CABLES1: variants seen among roughly 807,000 people sequenced by gnomAD.
CABLES1 encodes Cdk5 and Abl enzyme substrate 1, also known as CDK5 and ABL1 enzyme substrate 1.
A neutral mutation model predicts 57.8 loss-of-function variants in CABLES1; 36 were observed. That is an observed-to-expected ratio of 0.62 (90% CI 0.48 to 0.82). The LOEUF is 0.82. Among genes scored for constraint, CABLES1 ranks in the 40% least tolerant of loss-of-function variants. The probability of loss-of-function intolerance (pLI) is 0.00; values close to 1 mark genes in which losing one functional copy is unlikely to be tolerated. For synonymous variants in CABLES1, 374 were observed against 363.0 expected (o/e 1.03, Z -0.35); for missense variants, 767 against 836.6 (o/e 0.92, Z 1.03).
intron 7 of CABLES1, 25 bp from the exon 8 acceptor site, chr18:23,252,935 A>T (rs1226760624): frequency 6.8e-7 from 1 of 1,472,192 alleles, no homozygotes; most frequent in Non-Finnish European, 9.5e-7. Flanking sequence ...TTAAGGAGTG[A>T]TCCGTGTTCC....
intron 9 of CABLES1, 189 bp from the exon 10 acceptor site, chr18:23,257,038 A>G: frequency 1.6e-6 from 1 of 610,536 alleles, no homozygotes; most frequent in East Asian, 2.9e-5. Flanking sequence ...GGAAAGGAGC[A>G]GCTCCTTCAC....
chr18:23,136,152 G>T lies in CABLES1; in HGVS notation c.390G>T (p.Ala130=), dbSNP rs1454036455. 1.7e-6 allele frequency: 2 copies of T among 1,209,238 alleles called. No homozygotes were observed. Among genetic ancestry groups the T allele is most frequent in the Non-Finnish European group, 2.1e-6 (2 of 973,792 alleles). 74.9% of individuals were successfully genotyped at this position (1,209,238 alleles called of 1,614,324 possible). A position where few individuals can be genotyped will look rare whatever the true frequency, so the allele number is the denominator to read the frequency against. The change falls in exon 1 of 10, where the codon GCG becomes GCT. Residue 130 remains alanine (A), a synonymous_variant. Coordinates refer to ENST00000256925, the MANE Select transcript of CABLES1 (RefSeq NM_001100619.3). ...TCGCCGCGCCGGGCACGCCGGCTGC[G>T]GGGTTAGCCGCTGGGTCCGGCCCCT... The part of the protein sequence containing the change: ...IALAAPGTPA[A]GLAAGSGPCL...
intron 4 of CABLES1, among the ~76,000 whole-genome samples, chr18:23,215,441 G>A (rs1197015284): frequency 6.6e-6 from 1 of 152,196 alleles, no homozygotes; most frequent in Non-Finnish European, 1.5e-5. Context: ...AGTGTGACCA[G>A]CCTGGGCATA....
At chr18:23,181,496 CAAAAAAAAAAAAAAA>C (rs59742943) in intron 1 of CABLES1, among the ~76,000 whole-genome samples, 27 of 35,410 alleles carry the variant, frequency 7.6e-4, no homozygotes, top group South Asian at 6.5e-3. Flanking sequence ...AGCTTCGTCT[CAAAAAAAAAAAAAAA>C]AAAAAAAAAA....
At chr18:23,242,502 C>A (rs1368172552) in intron 7 of CABLES1, among the ~76,000 whole-genome samples, 2 of 152,276 alleles carry the variant, frequency 1.3e-5, no homozygotes, top group African/African-American at 4.8e-5. Flanking sequence ...GGTTATGTAT[C>A]ATTAGAACGT....
intron 7 of CABLES1, among the ~76,000 whole-genome samples, chr18:23,244,741 C>T (rs1331683666): frequency 6.6e-6 from 1 of 152,248 alleles, no homozygotes; most frequent in Non-Finnish European, 1.5e-5. Flanking sequence ...CTTCCTTTCA[C>T]AGGCGTGGTG....
chr18:23,257,176 T>A, intron 9 of CABLES1, 51 bp from the exon 10 acceptor site: 1 of 1,598,904 alleles, frequency 6.3e-7, no homozygotes, highest in Non-Finnish European at 8.5e-7. Flanking sequence ...GCAGAAAGAC[T>A]AGGATTTTAA....
upstream of CABLES1, chr18:23,134,650 A>T (rs958141373): frequency 1.6e-4 from 25 of 152,242 alleles, no homozygotes; most frequent in Non-Finnish European, 2.8e-4. Flanking sequence ...AAAATTTGCA[A>T]GGTGACCAGG....
At chr18:23,227,910 G>T (rs112573337) in intron 4 of CABLES1, among the ~76,000 whole-genome samples, 1 of 152,124 alleles carries the variant, frequency 6.6e-6, no homozygotes, top group African/African-American at 2.4e-5. Context: ...ACCTATTGTT[G>T]TCCTTTGAAG....
chr18:23,187,169 C>T (rs562401980), intron 1 of CABLES1, among the ~76,000 whole-genome samples: 2 of 152,342 alleles, frequency 1.3e-5, no homozygotes, highest in East Asian at 3.9e-4. Context: ...GGTGCCTCCT[C>T]CATAGCTCTG....
At chr18:23,226,401 CAAAA>C (rs35135711) in intron 4 of CABLES1, among the ~76,000 whole-genome samples, 2 of 131,072 alleles carry the variant, frequency 1.5e-5, no homozygotes, top group African/African-American at 2.9e-5. Flanking sequence ...GACTTCATCT[CAAAA>C]AAAAAAAAAA....
intron 2 of CABLES1, among the ~76,000 whole-genome samples, chr18:23,192,027 A>G (rs994339349): frequency 3.9e-5 from 6 of 152,062 alleles, no homozygotes. Flanking sequence ...TATGGAAATA[A>G]AACATCTTGT....
intron 3 of CABLES1, among the ~76,000 whole-genome samples, chr18:23,211,074 C>T (rs568790818): frequency 6.6e-6 from 1 of 151,714 alleles, no homozygotes; most frequent in East Asian, 1.9e-4. Flanking sequence ...GTGCGGACCA[C>T]CCAGAGTGAG....
chr18:23,216,354 C>T (rs1344793179), intron 4 of CABLES1, among the ~76,000 whole-genome samples: 2 of 152,164 alleles, frequency 1.3e-5, no homozygotes, highest in African/African-American at 4.8e-5. Flanking sequence ...TTTCCATGAC[C>T]CACACTGGCA....
At chr18:23,186,413 C>T (rs1193351866) in intron 1 of CABLES1, among the ~76,000 whole-genome samples, 1 of 150,600 alleles carries the variant, frequency 6.6e-6, no homozygotes, top group African/African-American at 2.4e-5. Context: ...AGCTTGCTTT[C>T]TTTTCTCTTC....
chr18:23,250,774 GA>G (rs1448622713), intron 7 of CABLES1, among the ~76,000 whole-genome samples: 2 of 152,240 alleles, frequency 1.3e-5, no homozygotes, highest in African/African-American at 4.8e-5. Flanking sequence ...ATCAGAGGAG[GA>G]AGAAGTGGCA....
At chr18:23,235,468 C>T (rs916570157) in intron 5 of CABLES1, among the ~76,000 whole-genome samples, 2 of 152,188 alleles carry the variant, frequency 1.3e-5, no homozygotes, top group African/African-American at 4.8e-5. Context: ...TCATATGTGG[C>T]GTCTGCCAGA....
chr18:23,248,414 C>T (rs1321763014), intron 7 of CABLES1, among the ~76,000 whole-genome samples: 4 of 149,464 alleles, frequency 2.7e-5, no homozygotes, highest in African/African-American at 7.4e-5. Flanking sequence ...GGTGCAGGGG[C>T]GCAGGTCTGC....
At chr18:23,217,935 G>A (rs911532306) in intron 4 of CABLES1, among the ~76,000 whole-genome samples, 6 of 152,210 alleles carry the variant, frequency 3.9e-5, no homozygotes, top group Admixed American at 6.5e-5. Context: ...CAGCAACACC[G>A]GAATTTGGGA....
Sources: allele counts gnomAD v4.1 joint callset (sites outside exome capture counted in the v4.1 genomes callset), GRCh38; gene constraint gnomAD v4.1.1; transcripts MANE v1.5; gene names NCBI Gene and HGNC (gene_info 2026-07-23, HGNC 2026-07-21).